Variants in ENTREP3 observed in about 807,000 individuals in gnomAD.
ENTREP3 encodes protein ENTREP3.
the ENTREP3 span, chr1:155,250,331 C>G: frequency 5.1e-6 from 7 of 1,369,432 alleles, no homozygotes; most frequent in African/African-American, 1.1e-4. The surrounding 1 kb of genome is among the most constrained non-coding windows in gnomAD (Gnocchi z 5.4). Flanking sequence ...GCAGCAGCAG[C>G]GGTGGTGGGG....
At chr1:155,248,089 G>T in the ENTREP3 span, 1 of 1,614,216 alleles carries the variant, frequency 6.2e-7, no homozygotes, top group Non-Finnish European at 8.5e-7. Flanking sequence ...TGGGGTCTGG[G>T]GCTTTCCTGG....
chr1:155,251,823 A>G, the ENTREP3 span: 4 of 1,573,694 alleles, frequency 2.5e-6, no homozygotes, highest in East Asian at 4.6e-5. Flanking sequence ...CAGGTCCAGC[A>G]TGGTGTGTAG....
At chr1:155,253,632 A>C in the ENTREP3 span, 2 of 1,612,638 alleles carry the variant, frequency 1.2e-6, no homozygotes, top group Non-Finnish European at 1.7e-6. Context: ...CACCGTATGC[A>C]CGAGGTCCAG....
At chr1:155,251,624 A>G in the ENTREP3 span, 1 of 1,608,682 alleles carries the variant, frequency 6.2e-7, no homozygotes, top group African/African-American at 1.3e-5. Context: ...GAAGAGGGTC[A>G]ATGTAGGAGA....
the ENTREP3 span, chr1:155,253,190 C>T: frequency 2.5e-5 from 4 of 161,904 alleles, no homozygotes; most frequent in Non-Finnish European, 4.0e-5. Flanking sequence ...ATTATAGGCA[C>T]GAGCCACTGC....
At chr1:155,252,690 G>GTATATATATATATATATATA in the ENTREP3 span, 1 of 32,878 alleles carries the variant, frequency 3.0e-5, no homozygotes, top group East Asian at 1.5e-3. Context: ...AATTTTGTGT[G>GTATATATATATATATATATA]TATATATATA....
At chr1:155,247,804 C>A in the ENTREP3 span, 2 of 1,466,050 alleles carry the variant, frequency 1.4e-6, no homozygotes, top group Non-Finnish European at 1.8e-6. Context: ...CTCCCGGCTG[C>A]CCCCGTTGAG....
chr1:155,253,646 G>T, the ENTREP3 span: 1 of 1,613,826 alleles, frequency 6.2e-7, no homozygotes, highest in African/African-American at 1.3e-5. Flanking sequence ...GGTCCAGGGA[G>T]AAGATTTGGA....
the ENTREP3 span, chr1:155,247,973 A>G: frequency 1.2e-6 from 2 of 1,607,928 alleles, no homozygotes; most frequent in Non-Finnish European, 1.7e-6. Context: ...GGGACACAAG[A>G]AAGGGCATCA....
At chr1:155,247,889 T>A in the ENTREP3 span, 1 of 1,571,224 alleles carries the variant, frequency 6.4e-7, no homozygotes, top group Non-Finnish European at 8.6e-7. Flanking sequence ...GAGCTAGAGC[T>A]CAGATCTCCG....
chr1:155,253,676 G>A, the ENTREP3 span: 2 of 1,613,892 alleles, frequency 1.2e-6, no homozygotes, highest in Non-Finnish European at 1.7e-6. Flanking sequence ...CAATAGCAGA[G>A]AGTGTACAGA....
chr1:155,249,351 A>G, the ENTREP3 span, among the ~76,000 whole-genome samples: 3 of 151,758 alleles, frequency 2.0e-5, no homozygotes, highest in Non-Finnish European at 4.4e-5. Flanking sequence ...TCAGCTTCCC[A>G]CAGTGCTGGG....
chr1:155,248,462 CCCT>C, the ENTREP3 span: 3 of 1,613,622 alleles, frequency 1.9e-6, no homozygotes, highest in Non-Finnish European at 2.5e-6. Flanking sequence ...GTATAAAGGT[CCCT>C]GAAGTCAGCT....
chr1:155,251,912 G>A, the ENTREP3 span: 2 of 1,425,338 alleles, frequency 1.4e-6, no homozygotes, highest in Non-Finnish European at 1.8e-6. Flanking sequence ...CCAGCTGCTG[G>A]GGAAGCGAGC....
chr1:155,254,471 G>A, the ENTREP3 span: 1 of 1,614,000 alleles, frequency 6.2e-7, no homozygotes, highest in Non-Finnish European at 8.5e-7. This position sits in a 1 kb window ranked among gnomAD's most constrained non-coding sequence, Gnocchi z 4.4. Context: ...GGACAGAGTG[G>A]GCACAGGCTC....
At chr1:155,255,141 G>A in the ENTREP3 span, 1 of 579,154 alleles carries the variant, frequency 1.7e-6, no homozygotes, top group South Asian at 2.0e-5. This position sits in a 1 kb window ranked among gnomAD's most constrained non-coding sequence, Gnocchi z 5.6. Flanking sequence ...GAGGACGCGG[G>A]GGCACCGGCT....
At chr1:155,250,762 T>G in the ENTREP3 span, 1 of 1,612,342 alleles carries the variant, frequency 6.2e-7, no homozygotes, top group East Asian at 2.2e-5. The surrounding 1 kb of genome is among the most constrained non-coding windows in gnomAD (Gnocchi z 5.4). Context: ...TCCGACGGGC[T>G]AGAGCCCCCA....
chr1:155,248,370 A>G, the ENTREP3 span: 2 of 1,613,536 alleles, frequency 1.2e-6, no homozygotes, highest in Non-Finnish European at 1.7e-6. Flanking sequence ...GCCATGCCCA[A>G]TCCCCATCCC....
the ENTREP3 span, chr1:155,250,823 T>C: frequency 5.6e-4 from 889 of 1,597,804 alleles, 1 homozygote; most frequent in Non-Finnish European, 6.6e-4. This position sits in a 1 kb window ranked among gnomAD's most constrained non-coding sequence, Gnocchi z 5.4. Flanking sequence ...CCATGGACAC[T>C]GTGGGCGGCA....
Sources: gnomAD v4.1 joint callset for allele counts (sites outside exome capture counted in the v4.1 genomes callset) on GRCh38, gnomAD v4.1.1 for gene constraint, Gnocchi (gnomAD v3.1) non-coding constraint, MANE v1.5 for transcripts, NCBI Gene and HGNC (gene_info 2026-07-23, HGNC 2026-07-21) for gene names.